MMD: variants seen among roughly 807,000 people sequenced by gnomAD.
MMD encodes the protein monocyte to macrophage differentiation factor.
A neutral mutation model predicts 33.6 loss-of-function variants in MMD; 22 were observed. The ratio of observed to expected loss-of-function variants is 0.66; its 90% CI spans 0.47 to 0.94. The LOEUF (loss-of-function observed/expected upper bound fraction) is 0.94, where lower values mean the gene tolerates loss of function less well. MMD is among the 40% of genes least tolerant of loss of function. MMD has a pLI of 0.00. For synonymous variants in MMD, 97 were observed against 103.2 expected (o/e 0.94, Z 0.36); for missense variants, 242 against 309.8 (o/e 0.78, Z 1.64).
At chr17:55,402,244 T>A (rs1907374468) in intron 5 of MMD, among the ~76,000 whole-genome samples, 1 of 152,200 alleles carries the variant, frequency 6.6e-6, no homozygotes, top group Non-Finnish European at 1.5e-5. Flanking sequence ...AGTGAAATTC[T>A]GAAGATGAAT....
rs750529170 is a variant in MMD at position 55,411,274 on chromosome 17, C to T, written c.252G>A (p.Trp84Ter). The change falls in exon 3 of 7, where the codon TGG becomes TGA. Residue 84 changes from tryptophan (W) to a stop codon, truncating the protein, a stop_gained. Transcript: ENST00000262065. LOFTEE classifies it high-confidence loss of function. Reference protein sequence around the residue: ...IVSTVFHIVSWKKSHLRTVEH... With the variant: ...IVSTVFHIVS ...CACTGTACCTTAAGTGGCTCTTTTT[C>T]CATGATACAATGTGAAATACTGTAG... 1.9e-6 allele frequency: 3 copies of T among 1,611,968 alleles called. No homozygotes were observed. The highest frequency in any genetic ancestry group is 2.2e-5 in the East Asian group (1 of 44,882).
Position 55,401,533 on chromosome 17 carries a change from T to C in MMD, c.452A>G (p.Lys151Arg), listed in dbSNP as rs755200204. 1.2e-6 allele frequency: 2 copies of C among 1,610,118 alleles called. No homozygotes were observed. The highest frequency in any genetic ancestry group is 3.4e-5 in the Admixed American group (2 of 59,348). ...GAGATAGAAAAAGAGTTCAACCACCTTATATCTGCAGGAACAAAAATGCAG... is the reference window on the plus strand; with the variant it reads ...GAGATAGAAAAAGAGTTCAACCACCCTATATCTGCAGGAACAAAAATGCAG... ...IYVFLYHEKY[K>R]VVELFFYLTM... The change falls in exon 6 of 7, where the codon AAG becomes AGG. Residue 151 changes from lysine (K) to arginine (R), a missense_variant. By Grantham distance (26) the Lys-to-Arg change is conservative. Transcript: ENST00000262065.
intron 2 of MMD, among the ~76,000 whole-genome samples, chr17:55,411,938 A>G (rs1239980853): frequency 6.6e-6 from 1 of 152,118 alleles, no homozygotes; most frequent in Non-Finnish European, 1.5e-5. Context: ...TTCGCCAGGC[A>G]TGGTGGCAAA....
chr17:55,414,356 C>T (rs576346651), intron 1 of MMD, 124 bp from the exon 2 acceptor site: 29 of 874,450 alleles, frequency 3.3e-5, no homozygotes, highest in Middle Eastern at 6.0e-4. Flanking sequence ...TACCCAGTTG[C>T]GGTAATAAAG....
At chr17:55,400,782 A>G (rs965023126) in intron 6 of MMD, among the ~76,000 whole-genome samples, 6 of 152,200 alleles carry the variant, frequency 3.9e-5, no homozygotes, top group Non-Finnish European at 8.8e-5. Flanking sequence ...CATTTCAAAA[A>G]GACAGACACA....
intron 2 of MMD, among the ~76,000 whole-genome samples, chr17:55,413,268 C>T (rs1598434657): frequency 6.6e-6 from 1 of 152,166 alleles, no homozygotes; most frequent in East Asian, 1.9e-4. Flanking sequence ...GCAAACTGGT[C>T]TTTTCTCTAT....
intron 3 of MMD, among the ~76,000 whole-genome samples, chr17:55,409,325 T>C (rs1907675028): frequency 6.6e-6 from 1 of 152,170 alleles, no homozygotes; most frequent in South Asian, 2.1e-4. Flanking sequence ...AGAATAAGTT[T>C]TTAAAACTCC....
Position 55,421,764 on chromosome 17 carries a change from C to G in MMD, c.-69G>C, listed in dbSNP as rs1908202668. The stretch of plus-strand genomic sequence containing the variant: ...AGCACCGGCGGCCGGGCGCGCGGCC[C>G]TCATGGGCTTGGGCTGCTCCGGAGG... On this transcript the variant is annotated 5_prime_UTR_variant, in exon 1 of 7. Coordinates refer to ENST00000262065, the MANE Select transcript of MMD (RefSeq NM_012329.3). 1 of 1,543,550 alleles carries G rather than the reference C, an allele frequency of 6.5e-7. No individual in the cohort carries two copies. Among genetic ancestry groups the G allele is most frequent in the Non-Finnish European group, 8.7e-7 (1 of 1,148,094 alleles).
At chr17:55,397,724 T>C (rs757297871) in intron 6 of MMD, among the ~76,000 whole-genome samples, 1 of 151,924 alleles carries the variant, frequency 6.6e-6, no homozygotes. Flanking sequence ...GTATTTTTAG[T>C]AGAGACAGGG....
chr17:55,413,082 G>A (rs771987324), intron 2 of MMD, among the ~76,000 whole-genome samples: 1 of 152,154 alleles, frequency 6.6e-6, no homozygotes, highest in East Asian at 1.9e-4. Flanking sequence ...GTTTACACAA[G>A]TGTTCCTTAA....
intron 4 of MMD, among the ~76,000 whole-genome samples, chr17:55,405,052 ACT>A (rs1321614634): frequency 3.3e-5 from 5 of 149,516 alleles, no homozygotes; most frequent in African/African-American, 9.9e-5. Flanking sequence ...ACAGAACAAG[ACT>A]CTGTCTCAAA....
chr17:55,408,933 G>A (rs1327838576), intron 3 of MMD, among the ~76,000 whole-genome samples: 3 of 152,128 alleles, frequency 2.0e-5, no homozygotes, highest in African/African-American at 2.4e-5. Flanking sequence ...CCCAGGAGGC[G>A]GAGGTGGCAG....
chr17:55,410,896 C>T (rs1160134676), intron 3 of MMD, among the ~76,000 whole-genome samples: 1 of 152,172 alleles, frequency 6.6e-6, no homozygotes, highest in Non-Finnish European at 1.5e-5. Context: ...CCTGCTGACT[C>T]CAAGCTCAGT....
intron 3 of MMD, among the ~76,000 whole-genome samples, chr17:55,409,967 G>A (rs906364407): frequency 6.6e-6 from 1 of 152,188 alleles, no homozygotes; most frequent in Admixed American, 6.5e-5. Flanking sequence ...AAGTGCCCTT[G>A]TGATTCAATG....
intron 6 of MMD, among the ~76,000 whole-genome samples, chr17:55,396,775 C>T (rs142243468): frequency 0.022 from 3,282 of 152,162 alleles, 63 homozygotes; most frequent in Non-Finnish European, 0.034. Context: ...TGCCACCACA[C>T]CTGGCTAATT....
At chr17:55,404,270 G>T (rs529384288) in intron 4 of MMD, among the ~76,000 whole-genome samples, 1 of 152,022 alleles carries the variant, frequency 6.6e-6, no homozygotes, top group African/African-American at 2.4e-5. Flanking sequence ...CAGGAGAATT[G>T]CTTGAGCCCG....
At chr17:55,398,126 AAAAG>A (rs1555615093) in intron 6 of MMD, among the ~76,000 whole-genome samples, 7 of 125,864 alleles carry the variant, frequency 5.6e-5, no homozygotes, top group African/African-American at 1.5e-4. Flanking sequence ...AAAAAAAAAA[AAAAG>A]AAAAGAAAAA....
Position 55,421,748 on chromosome 17 carries a change from G to C in MMD, c.-53C>G. 6.4e-7 allele frequency: 1 copy of C among 1,558,544 alleles called. No individual in the cohort carries two copies. The highest frequency in any genetic ancestry group is 1.7e-4 in the Middle Eastern group (1 of 5,844). ...GGAGCTCCGTCTCGTCAGCACCGGC[G>C]GCCGGGCGCGCGGCCCTCATGGGCT... On this transcript the variant is annotated 5_prime_UTR_variant, in exon 1 of 7. Coordinates refer to ENST00000262065, the MANE Select transcript of MMD (RefSeq NM_012329.3).
At chr17:55,417,449 C>T (rs1908009321) in intron 1 of MMD, among the ~76,000 whole-genome samples, 1 of 152,006 alleles carries the variant, frequency 6.6e-6, no homozygotes, top group Admixed American at 6.6e-5. Flanking sequence ...TCCTGCTTGA[C>T]CCAGTACAGA....
Sources: gnomAD v4.1 joint callset for allele counts (sites outside exome capture counted in the v4.1 genomes callset) on GRCh38, gnomAD v4.1.1 for gene constraint, MANE v1.5 for transcripts, NCBI Gene and HGNC (gene_info 2026-07-23, HGNC 2026-07-21) for gene names.